The following BNC2 variants were observed in gnomAD, a reference collection of about 807,000 sequenced individuals.
The protein encoded by BNC2 is basonuclin zinc finger protein 2.
BNC2 carries 20 observed loss-of-function variants against 76.3 expected under a neutral mutation model. The observed-to-expected ratio is 0.26, with a 90% CI of 0.18 to 0.38. The LOEUF is 0.38. Among genes scored for constraint, BNC2 ranks in the 10% least tolerant of loss-of-function variants. The probability of loss-of-function intolerance (pLI) is 1.00; values close to 1 mark genes in which losing one functional copy is unlikely to be tolerated. For missense variants in BNC2, 1,382 were observed against 1,399.8 expected (o/e 0.99, Z 0.20); for synonymous variants, 582 against 514.8 (o/e 1.13, Z -1.77).
chr9:16,711,070 G>T (rs192697413), intron 3 of BNC2, among the ~76,000 whole-genome samples: 6 of 151,580 alleles, frequency 4.0e-5, no homozygotes, highest in African/African-American at 1.2e-4. Flanking sequence ...TTAGTGCTAC[G>T]TGACACGATT....
intron 3 of BNC2, among the ~76,000 whole-genome samples, chr9:16,590,627 C>T (rs528005282): frequency 1.3e-5 from 2 of 152,114 alleles, no homozygotes; most frequent in East Asian, 2.0e-4. Context: ...GACAACATGG[C>T]GAAACCTCGT....
intron 5 of BNC2, among the ~76,000 whole-genome samples, chr9:16,528,651 A>C (rs138274781): frequency 6.6e-6 from 1 of 152,370 alleles, no homozygotes; most frequent in East Asian, 1.9e-4. Context: ...TATTTATTCT[A>C]CAAAAACAAA....
At chr9:16,581,745 A>C (rs1304138456) in intron 4 of BNC2, among the ~76,000 whole-genome samples, 1 of 152,166 alleles carries the variant, frequency 6.6e-6, no homozygotes, top group Non-Finnish European at 1.5e-5. Flanking sequence ...ACATAAAGAG[A>C]CTGCAGAAGT....
At chr9:16,649,156 C>G (rs1273009147) in intron 3 of BNC2, among the ~76,000 whole-genome samples, 2 of 145,720 alleles carry the variant, frequency 1.4e-5, no homozygotes, top group Non-Finnish European at 3.0e-5. Flanking sequence ...ATGAGCCTGA[C>G]TAACACAGAA....
intron 1 of BNC2, among the ~76,000 whole-genome samples, chr9:16,818,877 G>C (rs577046799): frequency 7.4e-4 from 49 of 66,006 alleles, no homozygotes; most frequent in Middle Eastern, 8.6e-3. Context: ...TTTTAAAGCG[G>C]TTAAGAAGTA....
In BNC2 at chr9:16,678,648, CT is replaced by C. The variant is rs79994792; in HGVS notation, c.330+49148del. ...TTCTGTACCTAAACAGTAACAGTCTCTTTTTTTTTTTTTTCAAATTTCCATG... is the reference window on the plus strand; with the variant it reads ...TTCTGTACCTAAACAGTAACAGTCTCTTTTTTTTTTTTTCAAATTTCCATG... On this transcript the variant is annotated intron_variant, in intron 3 of 6. Coordinates refer to ENST00000380672, the MANE Select transcript of BNC2 (RefSeq NM_017637.6). Among the ~76,000 whole-genome samples, 753 of 135,016 alleles carry C rather than the reference CT, an allele frequency of 5.6e-3. 1 individual carries two copies. The highest frequency in any genetic ancestry group is 7.6e-3 in the South Asian group (31 of 4,096). 88.6% of individuals were successfully genotyped at this position (135,016 alleles called of 152,430 possible). A position where few individuals can be genotyped will look rare whatever the true frequency, so the allele number is the denominator to read the frequency against.
At chr9:16,540,005 C>G (rs1587146827) in intron 5 of BNC2, among the ~76,000 whole-genome samples, 1 of 152,038 alleles carries the variant, frequency 6.6e-6, no homozygotes, top group Non-Finnish European at 1.5e-5. Flanking sequence ...TAGCAAACTT[C>G]TATTCACCAC....
At position 16,549,495 on chromosome 9, in the gene BNC2, A is replaced by T. The variant is rs536101459; in HGVS notation, c.669+3035T>A. On this transcript the variant is annotated intron_variant, in intron 5 of 6. Coordinates refer to ENST00000380672, the MANE Select transcript of BNC2 (RefSeq NM_017637.6). ...GCCAGATAAAATGACTTGTACACTA[A>T]TAGAGCATTATGGGGTTCCACAGCC... Among the ~76,000 whole-genome samples, 83 of 152,378 alleles carry T rather than the reference A, an allele frequency of 5.4e-4. 2 individuals carry two copies. The Middle Eastern group carries it at 0.017, about 31-fold the overall frequency.
chr9:16,553,768 T>A (rs1036861011), intron 4 of BNC2, among the ~76,000 whole-genome samples: 4 of 152,182 alleles, frequency 2.6e-5, no homozygotes, highest in African/African-American at 9.7e-5. Flanking sequence ...CCAGTCCCCA[T>A]CCATATCTGA....
chr9:16,865,983 T>A (rs1472407223), intron 1 of BNC2, among the ~76,000 whole-genome samples: 1 of 152,172 alleles, frequency 6.6e-6, no homozygotes, highest in Non-Finnish European at 1.5e-5. Flanking sequence ...GCTAGCAACA[T>A]AATGAGAGCT....
chr9:16,856,444 A>C (rs1819260439), intron 1 of BNC2, among the ~76,000 whole-genome samples: 1 of 152,152 alleles, frequency 6.6e-6, no homozygotes, highest in African/African-American at 2.4e-5. Flanking sequence ...AATATTTCTT[A>C]TTTATTTTTT....
At chr9:16,645,709 G>A (rs1028231449) in intron 3 of BNC2, among the ~76,000 whole-genome samples, 4 of 152,146 alleles carry the variant, frequency 2.6e-5, no homozygotes, top group African/African-American at 9.7e-5. Context: ...ACATAAACAG[G>A]ATGTTAGATT....
chr9:16,763,130 G>A (rs1184985548), intron 1 of BNC2, among the ~76,000 whole-genome samples: 2 of 152,176 alleles, frequency 1.3e-5, no homozygotes, highest in Non-Finnish European at 2.9e-5. Context: ...AGGTTATGGT[G>A]ATAAGGGCTT....
chr9:16,861,181 A>AACATATATATATATATATAT (rs1287136917), intron 1 of BNC2, among the ~76,000 whole-genome samples: 3 of 131,766 alleles, frequency 2.3e-5, no homozygotes, highest in African/African-American at 9.3e-5. Context: ...ATCTCTACAA[A>AACATATATATATATATATAT]ATATATATAT....
chr9:16,507,712 C>T (rs1822661859), intron 5 of BNC2, among the ~76,000 whole-genome samples: 1 of 152,132 alleles, frequency 6.6e-6, no homozygotes, highest in African/African-American at 2.4e-5. Context: ...CAGGTGCGAG[C>T]CACCGCGCCT....
At chr9:16,507,933 G>A (rs1157474963) in intron 5 of BNC2, among the ~76,000 whole-genome samples, 9 of 152,054 alleles carry the variant, frequency 5.9e-5, no homozygotes, top group Admixed American at 4.6e-4. Context: ...CATAACAATC[G>A]TTCATTATTA....
At chr9:16,628,442 A>G (rs545152684) in intron 3 of BNC2, among the ~76,000 whole-genome samples, 14 of 152,314 alleles carry the variant, frequency 9.2e-5, no homozygotes, top group African/African-American at 2.6e-4. Flanking sequence ...TGAGAGGTCA[A>G]TTAAAGGAAA....
chr9:16,582,754 T>C (rs1183198746), intron 4 of BNC2, among the ~76,000 whole-genome samples: 1 of 152,190 alleles, frequency 6.6e-6, no homozygotes, highest in African/African-American at 2.4e-5. Flanking sequence ...TATAAACATC[T>C]TGGCCTTCTG....
chr9:16,580,587 A>G (rs1819605793), intron 4 of BNC2, among the ~76,000 whole-genome samples: 1 of 152,196 alleles, frequency 6.6e-6, no homozygotes, highest in Admixed American at 6.5e-5. Context: ...AGGAAAAAAC[A>G]TTGCTTTTTC....
Sources: allele counts gnomAD v4.1 joint callset (sites outside exome capture counted in the v4.1 genomes callset), GRCh38; gene constraint gnomAD v4.1.1; transcripts MANE v1.5; gene names NCBI Gene and HGNC (gene_info 2026-07-23, HGNC 2026-07-21).